The following TMEM132D variants were observed in gnomAD, a reference collection of about 807,000 sequenced individuals.
TMEM132D encodes the protein transmembrane protein 132D.
In TMEM132D, 21 loss-of-function variants were observed where a neutral mutation model predicts 62.3. That is an observed-to-expected ratio of 0.34 (90% confidence interval 0.24 to 0.49). The LOEUF is 0.49. Ranked by LOEUF, TMEM132D falls within the 20% of genes least tolerant of loss-of-function variation. The pLI is 0.99. For synonymous variants in TMEM132D, 621 were observed against 575.6 expected, an observed-to-expected ratio of 1.08 and a Z score of -1.13; for missense variants, 1,346 against 1,402.8, an observed-to-expected ratio of 0.96 and a Z score of 0.65.
At chr12:129,083,182 A>AT (rs545609523) in intron 6 of TMEM132D, among the ~76,000 whole-genome samples, 321 of 152,340 alleles carry the variant, frequency 2.1e-3, no homozygotes, top group African/African-American at 7.6e-3. Flanking sequence ...GCAGGTGAAT[A>AT]TGTAACCCAA....
chr12:129,538,079 G>A (rs896978138), intron 2 of TMEM132D, among the ~76,000 whole-genome samples: 3 of 152,218 alleles, frequency 2.0e-5, no homozygotes, highest in Non-Finnish European at 2.9e-5. Context: ...TTAAAGCAGA[G>A]CGATGTCCTC....
intron 1 of TMEM132D, among the ~76,000 whole-genome samples, chr12:129,842,777 G>GTA (rs1264981519): frequency 5.3e-5 from 8 of 152,134 alleles, no homozygotes; most frequent in African/African-American, 1.4e-4. Context: ...TCCTGCTGGT[G>GTA]TATCTTTAAT....
chr12:129,296,676 C>T (rs1418016377), intron 4 of TMEM132D, among the ~76,000 whole-genome samples: 1 of 152,164 alleles, frequency 6.6e-6, no homozygotes, highest in Non-Finnish European at 1.5e-5. Context: ...GCCAGTTTCT[C>T]CAGACTAACT....
At chr12:129,599,740 T>C (rs1456724570) in intron 2 of TMEM132D, among the ~76,000 whole-genome samples, 2 of 152,234 alleles carry the variant, frequency 1.3e-5, no homozygotes, top group African/African-American at 4.8e-5. Flanking sequence ...TCCCAGTGCA[T>C]ATACAAGTTA....
intron 4 of TMEM132D, among the ~76,000 whole-genome samples, chr12:129,281,915 C>T (rs1881165949): frequency 1.3e-5 from 2 of 152,168 alleles, no homozygotes; most frequent in Non-Finnish European, 2.9e-5. Flanking sequence ...GGGCTCAACT[C>T]AGTGATGGCA....
intron 3 of TMEM132D, among the ~76,000 whole-genome samples, chr12:129,387,269 C>T (rs941678212): frequency 5.0e-5 from 6 of 120,640 alleles, no homozygotes; most frequent in South Asian, 2.7e-4. Context: ...AATACTAACA[C>T]TAGTGCTAAT....
chr12:129,506,101 AT>A (rs983146332), intron 3 of TMEM132D, among the ~76,000 whole-genome samples: 58 of 152,116 alleles, frequency 3.8e-4, no homozygotes, highest in African/African-American at 1.3e-3. Flanking sequence ...TTTTATTGTA[AT>A]TTTTGTTTTA....
chr12:129,413,768 G>A (rs971500556), intron 3 of TMEM132D, among the ~76,000 whole-genome samples: 3 of 151,990 alleles, frequency 2.0e-5, no homozygotes, highest in Non-Finnish European at 4.4e-5. Context: ...CAATTCTAGG[G>A]GACAATCAAA....
chr12:129,861,570 G>A (rs1333059607), intron 1 of TMEM132D, among the ~76,000 whole-genome samples: 1 of 152,064 alleles, frequency 6.6e-6, no homozygotes, highest in African/African-American at 2.4e-5. Flanking sequence ...AGACCAGCCT[G>A]GCCAACATGG....
intron 4 of TMEM132D, among the ~76,000 whole-genome samples, chr12:129,297,614 G>A (rs149006236): frequency 2.0e-5 from 3 of 152,138 alleles, no homozygotes; most frequent in Admixed American, 1.3e-4. Context: ...GAATCTGATC[G>A]GGTCAGCTGC....
At chr12:129,771,503 C>T (rs1870749817) in intron 1 of TMEM132D, among the ~76,000 whole-genome samples, 1 of 152,226 alleles carries the variant, frequency 6.6e-6, no homozygotes, top group Non-Finnish European at 1.5e-5. Flanking sequence ...TGAATGGATG[C>T]AGCTATTCAT....
At chr12:129,126,471 G>A (rs529957798) in intron 5 of TMEM132D, among the ~76,000 whole-genome samples, 3 of 151,902 alleles carry the variant, frequency 2.0e-5, no homozygotes, top group African/African-American at 7.2e-5. Context: ...GTTACAGTGG[G>A]TGTCTTCTAT....
At chr12:129,845,786 A>G (rs11060587) in intron 1 of TMEM132D, among the ~76,000 whole-genome samples, 44,018 of 152,094 alleles carry the variant, frequency 0.29, 6,574 homozygotes, top group East Asian at 0.59. Context: ...GCCAGTGGTA[A>G]CTTTTACTGA....
chr12:129,169,869 AAC>A (rs1877671822), intron 5 of TMEM132D, among the ~76,000 whole-genome samples: 1 of 152,242 alleles, frequency 6.6e-6, no homozygotes, highest in African/African-American at 2.4e-5. Flanking sequence ...CTTTTACAAA[AAC>A]ACCCTTAAGC....
rs573489422 is a variant in TMEM132D at position 129,117,766 on chromosome 12, T to A, written c.1444-33064A>T. ...ATAACAAAGACTACATGTCTCCTTT[T>A]AAGGATTTTTTTCTTTAATTCACAA... On this transcript the variant is annotated intron_variant, in intron 5 of 8. Transcript: ENST00000422113. Among the ~76,000 whole-genome samples the A allele has an allele frequency of 2.6e-5, 4 of 152,374 alleles. No homozygotes were observed. The South Asian group carries it at 6.2e-4, about 24-fold the overall frequency.
intron 2 of TMEM132D, among the ~76,000 whole-genome samples, chr12:129,657,735 C>T (rs1006979887): frequency 2.0e-5 from 3 of 152,110 alleles, no homozygotes; most frequent in Non-Finnish European, 4.4e-5. Flanking sequence ...CAGCTGTGGC[C>T]AAGGGAGAGA....
At chr12:129,076,103 C>CTCTCTCTT (rs57493027) in intron 8 of TMEM132D, among the ~76,000 whole-genome samples, 1 of 152,080 alleles carries the variant, frequency 6.6e-6, no homozygotes, top group Non-Finnish European at 1.5e-5. Flanking sequence ...CTCTCTCTCT[C>CTCTCTCTT]GAACTTGAAA....
chr12:129,221,678 T>TA lies in TMEM132D; in HGVS notation c.1300-12016dup, dbSNP rs1229887956. On this transcript the variant is annotated intron_variant, in intron 4 of 8. Transcript: ENST00000422113. ...GTCCTCCTAACTGTGGTTGACTTCT[T>TA]AAAAAAACCTTTTCAATCAATTTCC... is the stretch of plus-strand genomic sequence containing the variant. 3.9e-5 allele frequency among the ~76,000 whole-genome samples: 6 copies of TA among 152,198 alleles called. No homozygotes were observed. In the East Asian group the frequency reaches 9.6e-4, roughly 24 times the overall value.
chr12:129,333,453 T>A lies in TMEM132D; in HGVS notation c.1299+4181A>T, dbSNP rs144276327. Among the ~76,000 whole-genome samples the A allele has an allele frequency of 4.6e-5, 7 of 152,346 alleles. No homozygotes were observed. The East Asian group carries it at 1.4e-3, about 29-fold the overall frequency. ...TAAATTTTAATCTTGTGTGGTAGTG[T>A]CATGGAGATATACGGGGAACTTTTT... On this transcript the variant is annotated intron_variant, in intron 4 of 8. Coordinates refer to ENST00000422113, the MANE Select transcript of TMEM132D (RefSeq NM_133448.3).
Sources: allele counts gnomAD v4.1 joint callset (sites outside exome capture counted in the v4.1 genomes callset), GRCh38; gene constraint gnomAD v4.1.1; transcripts MANE v1.5; gene names NCBI Gene and HGNC (gene_info 2026-07-23, HGNC 2026-07-21).